SNTB1: variants seen among roughly 807,000 people sequenced by gnomAD.
SNTB1 encodes syntrophin beta 1, also known as beta-1-syntrophin.
Under a neutral mutation model 48.9 loss-of-function variants are expected in SNTB1, and 36 were observed. The ratio of observed to expected loss-of-function variants is 0.74; its 90% confidence interval spans 0.56 to 0.97. The LOEUF (loss-of-function observed/expected upper bound fraction) is 0.97, where lower values mean the gene tolerates loss of function less well. Among genes scored for constraint, SNTB1 ranks in the 50% least tolerant of loss-of-function variants. SNTB1 has a pLI of 0.00. For missense variants in SNTB1, 786 were observed against 703.4 expected (o/e 1.12, Z -1.33); for synonymous variants, 299 against 294.6 (o/e 1.01, Z -0.15).
At chr8:120,774,593 C>T (rs964668546) in intron 1 of SNTB1, among the ~76,000 whole-genome samples, 10 of 152,108 alleles carry the variant, frequency 6.6e-5, no homozygotes, top group African/African-American at 2.4e-4. Flanking sequence ...AGCTTGGGAG[C>T]CTGGTGGCAG....
intron 3 of SNTB1, among the ~76,000 whole-genome samples, chr8:120,605,120 G>A (rs770368302): frequency 9.2e-5 from 14 of 152,170 alleles, no homozygotes; most frequent in Non-Finnish European, 1.8e-4. Context: ...CTTTGTGTAC[G>A]AGGAATGCCG....
At chr8:120,694,034 C>T (rs777932790) in intron 1 of SNTB1, 126 bp from the exon 2 acceptor site, 17 of 735,496 alleles carry the variant, frequency 2.3e-5, no homozygotes, top group South Asian at 5.0e-5. Flanking sequence ...AAATTCTCAA[C>T]GAGATTTTGA....
rs751592739 is a variant in SNTB1, at chr8:120,538,746, C to T, written c.*131G>A. 3.6e-5 allele frequency: 28 copies of T among 783,650 alleles called. No homozygotes were observed. The highest frequency in any genetic ancestry group is 5.6e-5 in the Admixed American group (3 of 53,532). The allele number at this position is 783,650 out of a possible 1,614,324, so 48.5% of individuals were successfully genotyped here. On this transcript the variant is annotated 3_prime_UTR_variant, in exon 7 of 7. Transcript: ENST00000517992. Reference sequence around the variant, plus strand: ...CAGAGGAGTCTGGGACAGTTACATACGACTCTTGAGAGCTAAAGCTGACTG... The same window carrying T: ...CAGAGGAGTCTGGGACAGTTACATATGACTCTTGAGAGCTAAAGCTGACTG...
chr8:120,763,391 C>T (rs1182626388), intron 1 of SNTB1, among the ~76,000 whole-genome samples: 1 of 152,144 alleles, frequency 6.6e-6, no homozygotes, highest in Non-Finnish European at 1.5e-5. Context: ...AATGTTCTTT[C>T]TTCCAGGAGA....
intron 1 of SNTB1, among the ~76,000 whole-genome samples, chr8:120,743,324 G>A (rs148870560): frequency 1.3e-5 from 2 of 152,342 alleles, no homozygotes; most frequent in East Asian, 1.9e-4. Flanking sequence ...GAAATTGCAC[G>A]TAGCACAGAG....
chr8:120,757,642 T>C (rs1381938407), intron 1 of SNTB1, among the ~76,000 whole-genome samples: 1 of 152,206 alleles, frequency 6.6e-6, no homozygotes, highest in Admixed American at 6.6e-5. Flanking sequence ...TAGCAGTTTC[T>C]AGTTGTGTCA....
intron 1 of SNTB1, among the ~76,000 whole-genome samples, chr8:120,696,626 AT>A (rs1818214895): frequency 6.6e-6 from 1 of 152,178 alleles, no homozygotes; most frequent in South Asian, 2.1e-4. Flanking sequence ...CAAGAAAAAT[AT>A]TGCTATCTCT....
chr8:120,602,894 TA>T (rs1309123510), intron 3 of SNTB1, among the ~76,000 whole-genome samples: 6 of 151,836 alleles, frequency 4.0e-5, no homozygotes, highest in African/African-American at 1.2e-4. Flanking sequence ...ATTAAACTTT[TA>T]AAAAGCGTTT....
chr8:120,552,226 T>C (rs1815493286), intron 4 of SNTB1, among the ~76,000 whole-genome samples: 1 of 152,172 alleles, frequency 6.6e-6, no homozygotes, highest in Admixed American at 6.5e-5. Context: ...AAAATACACA[T>C]TTGGTAGCTC....
At chr8:120,786,771 C>T (rs73325120) in intron 1 of SNTB1, among the ~76,000 whole-genome samples, 17,177 of 152,054 alleles carry the variant, frequency 0.11, 1,380 homozygotes, top group African/African-American at 0.22. Flanking sequence ...CCTGAAATAC[C>T]TCATTGCATT....
At chr8:120,615,758 G>T (rs931105563) in intron 3 of SNTB1, among the ~76,000 whole-genome samples, 2 of 152,148 alleles carry the variant, frequency 1.3e-5, no homozygotes, top group Non-Finnish European at 2.9e-5. Context: ...GAATCGAACG[G>T]AGGTAAAAAG....
chr8:120,687,124 G>A (rs529967575), intron 2 of SNTB1, among the ~76,000 whole-genome samples: 3 of 152,232 alleles, frequency 2.0e-5, no homozygotes, highest in African/African-American at 7.2e-5. Flanking sequence ...TAAAACATGA[G>A]GGGGCAATAA....
At chr8:120,739,078 G>A (rs562590765) in intron 1 of SNTB1, among the ~76,000 whole-genome samples, 4 of 152,294 alleles carry the variant, frequency 2.6e-5, no homozygotes, top group East Asian at 1.9e-4. Flanking sequence ...CTCAGAATGC[G>A]GCAAACTCCT....
intron 2 of SNTB1, among the ~76,000 whole-genome samples, chr8:120,672,830 T>C (rs1041887358): frequency 6.6e-6 from 1 of 152,224 alleles, no homozygotes; most frequent in African/African-American, 2.4e-5. Flanking sequence ...GCACTTTTCC[T>C]GAGTTTGGTC....
At chr8:120,574,295 A>T (rs1320922908) in intron 4 of SNTB1, among the ~76,000 whole-genome samples, 1 of 152,216 alleles carries the variant, frequency 6.6e-6, no homozygotes, top group African/African-American at 2.4e-5. Flanking sequence ...TGTACAGCAT[A>T]GCGCCTATAG....
intron 3 of SNTB1, among the ~76,000 whole-genome samples, chr8:120,630,212 G>A (rs1422372523): frequency 6.6e-6 from 1 of 152,190 alleles, no homozygotes; most frequent in African/African-American, 2.4e-5. Flanking sequence ...CATCCGTGGG[G>A]CTTCTTACCT....
intron 1 of SNTB1, among the ~76,000 whole-genome samples, chr8:120,758,180 T>C (rs931392981): frequency 1.3e-5 from 2 of 152,224 alleles, no homozygotes; most frequent in African/African-American, 4.8e-5. Context: ...ATTTAAATCT[T>C]ATTTATATTC....
chr8:120,766,529 C>T (rs910055042), intron 1 of SNTB1, among the ~76,000 whole-genome samples: 1 of 151,918 alleles, frequency 6.6e-6, no homozygotes, highest in African/African-American at 2.4e-5. Flanking sequence ...TACTATTTTC[C>T]TTATATTGTT....
At chr8:120,811,141 C>A (rs948927295) in intron 1 of SNTB1, 132 bp downstream of exon 1, 10 of 1,264,306 alleles carry the variant, frequency 7.9e-6, no homozygotes, top group South Asian at 1.6e-5. Context: ...TCCCCCCCCC[C>A]CAACACACAC....
Sources: allele counts gnomAD v4.1 joint callset (sites outside exome capture counted in the v4.1 genomes callset), GRCh38; gene constraint gnomAD v4.1.1; transcripts MANE v1.5; gene names NCBI Gene and HGNC (gene_info 2026-07-23, HGNC 2026-07-21).